RSPO2: variants seen among roughly 807,000 people sequenced by gnomAD.
The protein encoded by RSPO2 is R-spondin-2.
A neutral mutation model predicts 30.9 loss-of-function variants in RSPO2; 14 were observed. The observed-to-expected ratio is 0.45, with a 90% CI of 0.30 to 0.71. The LOEUF (loss-of-function observed/expected upper bound fraction) is 0.71, where lower values mean the gene tolerates loss of function less well. Among genes scored for constraint, RSPO2 ranks in the 30% least tolerant of loss-of-function variants. The probability of loss-of-function intolerance (pLI) is 0.08; values close to 1 mark genes in which losing one functional copy is unlikely to be tolerated. For synonymous variants in RSPO2, 107 were observed against 96.4 expected, an observed-to-expected ratio of 1.11 and a Z score of -0.64; for missense variants, 264 against 301.9, an observed-to-expected ratio of 0.87 and a Z score of 0.93.
chr8:107,910,121 CCTCCAT>C (rs1282809016), intron 5 of RSPO2, among the ~76,000 whole-genome samples: 695 of 152,244 alleles, frequency 4.6e-3, no homozygotes, highest in African/African-American at 0.012. Flanking sequence ...GAATTAAGTT[CCTCCAT>C]AGCTGACTTC....
intron 2 of RSPO2, among the ~76,000 whole-genome samples, chr8:108,075,678 GTTTTT>G (rs35335035): frequency 2.0e-5 from 3 of 146,716 alleles, no homozygotes; most frequent in Non-Finnish European, 4.5e-5. Context: ...TTTTATACCT[GTTTTT>G]TTTTTTAATT....
chr8:107,940,830 A>G (rs1020594461), intron 5 of RSPO2, among the ~76,000 whole-genome samples: 1 of 152,212 alleles, frequency 6.6e-6, no homozygotes, highest in Non-Finnish European at 1.5e-5. Flanking sequence ...GAACCGTTTT[A>G]GCCATTGATG....
Position 107,899,753 on chromosome 8 carries a change from T to C in RSPO2, c.*1322A>G, listed in dbSNP as rs1239633134. ...GTGAAAAAGCCAATTCACAACCTTCTAAAAACTGGTTCCCCTAAAAGGACA... is the reference window on the plus strand; with the variant it reads ...GTGAAAAAGCCAATTCACAACCTTCCAAAAACTGGTTCCCCTAAAAGGACA... On this transcript the variant is annotated 3_prime_UTR_variant, in exon 6 of 6. Transcript: ENST00000276659. The C allele has an allele frequency of 6.6e-6, 1 of 152,180 alleles. No homozygotes were observed. Among genetic ancestry groups the C allele is most frequent in the Non-Finnish European group, 1.5e-5 (1 of 68,028 alleles). 9.4% of individuals were successfully genotyped at this position (152,180 alleles called of 1,614,324 possible).
chr8:107,964,576 C>T (rs1244121470), intron 3 of RSPO2, among the ~76,000 whole-genome samples: 1 of 152,084 alleles, frequency 6.6e-6, no homozygotes, highest in Non-Finnish European at 1.5e-5. Context: ...GCCACCTAAT[C>T]CAGGAGGTCT....
chr8:108,073,647 G>C (rs1812922425), intron 2 of RSPO2, among the ~76,000 whole-genome samples: 1 of 152,184 alleles, frequency 6.6e-6, no homozygotes, highest in East Asian at 1.9e-4. Flanking sequence ...ATAAAAGTTA[G>C]ATCACATGAG....
chr8:108,054,523 C>G (rs1351351348), intron 2 of RSPO2, among the ~76,000 whole-genome samples: 1 of 152,152 alleles, frequency 6.6e-6, no homozygotes, highest in Non-Finnish European at 1.5e-5. Context: ...CACAGCCACC[C>G]CTAACTCCAC....
chr8:108,000,194 A>G (rs1815192086), intron 2 of RSPO2, among the ~76,000 whole-genome samples: 1 of 152,302 alleles, frequency 6.6e-6, no homozygotes, highest in African/African-American at 2.4e-5. Flanking sequence ...CATGATAAAC[A>G]CATTCTCATT....
chr8:108,072,343 T>TG (rs1812873964), intron 2 of RSPO2, among the ~76,000 whole-genome samples: 1 of 136,556 alleles, frequency 7.3e-6, no homozygotes, highest in Non-Finnish European at 1.5e-5. Flanking sequence ...TTTTTTTTTT[T>TG]GAGACAGAGT....
chr8:107,929,284 C>G (rs1285176629), intron 5 of RSPO2, among the ~76,000 whole-genome samples: 1 of 152,116 alleles, frequency 6.6e-6, no homozygotes, highest in Non-Finnish European at 1.5e-5. Flanking sequence ...GATCATACAA[C>G]AAAAGGAAAA....
intron 2 of RSPO2, among the ~76,000 whole-genome samples, chr8:108,069,888 T>C (rs149026571): frequency 2.0e-4 from 30 of 152,312 alleles, no homozygotes; most frequent in African/African-American, 6.7e-4. Flanking sequence ...CCCTCATAGG[T>C]GTGCCAGATA....
At chr8:107,926,802 T>C (rs569878278) in intron 5 of RSPO2, among the ~76,000 whole-genome samples, 1 of 152,208 alleles carries the variant, frequency 6.6e-6, no homozygotes, top group Non-Finnish European at 1.5e-5. Flanking sequence ...ACTGTAGCCT[T>C]GTAGTATAGT....
At chr8:108,019,743 A>G (rs889335613) in intron 2 of RSPO2, among the ~76,000 whole-genome samples, 1 of 152,190 alleles carries the variant, frequency 6.6e-6, no homozygotes, top group Non-Finnish European at 1.5e-5. Context: ...CTGCTGATTG[A>G]GTGCTTTTCA....
chr8:107,944,192 C>T (rs1478631609), intron 5 of RSPO2, among the ~76,000 whole-genome samples: 1 of 152,072 alleles, frequency 6.6e-6, no homozygotes, highest in Non-Finnish European at 1.5e-5. Flanking sequence ...GCATTAATGA[C>T]TAATAGGATT....
Position 108,083,507 on chromosome 8 carries a change from C to T in RSPO2, c.-480G>A, listed in dbSNP as rs901324602. 1 of 152,334 alleles carries T rather than the reference C, an allele frequency of 6.6e-6. No homozygotes were observed. The highest frequency in any genetic ancestry group is 2.4e-5 in the African/African-American group (1 of 41,474). The allele number at this position is 152,334 out of a possible 1,614,324, so 9.4% of individuals were successfully genotyped here. A position where few individuals can be genotyped will look rare whatever the true frequency, so the allele number is the denominator to read the frequency against. ...TCGCTTCCTGCGCTTTCTCCACGGT[C>T]ACTTCACAGCTAAGATTTCTTTCTT... On this transcript the variant is annotated 5_prime_UTR_variant, in exon 1 of 6. Transcript: ENST00000276659.
chr8:107,980,654 G>T (rs1814395652), intron 3 of RSPO2, among the ~76,000 whole-genome samples: 1 of 152,110 alleles, frequency 6.6e-6, no homozygotes, highest in Non-Finnish European at 1.5e-5. Context: ...ATCAGGTCTT[G>T]TCACTGGTCC....
chr8:107,994,578 G>T (rs1293990329), intron 2 of RSPO2, among the ~76,000 whole-genome samples: 1 of 152,022 alleles, frequency 6.6e-6, no homozygotes. Flanking sequence ...GGTATAAAAT[G>T]TAGAAATGAT....
intron 3 of RSPO2, among the ~76,000 whole-genome samples, chr8:107,976,379 T>A (rs1814211686): frequency 6.6e-6 from 1 of 152,248 alleles, no homozygotes. Flanking sequence ...GTCCTTTGGG[T>A]AGGTTTGTAA....
intron 5 of RSPO2, among the ~76,000 whole-genome samples, chr8:107,939,628 T>C (rs896031412): frequency 6.6e-6 from 1 of 152,044 alleles, no homozygotes; most frequent in Non-Finnish European, 1.5e-5. Flanking sequence ...AGAAGTTTGT[T>C]GTAACATTTG....
intron 5 of RSPO2, among the ~76,000 whole-genome samples, chr8:107,936,580 T>A (rs996194875): frequency 6.6e-6 from 1 of 152,184 alleles, no homozygotes; most frequent in East Asian, 1.9e-4. Context: ...TTTCCACCAA[T>A]GGTATAGAAG....
Sources: allele counts gnomAD v4.1 joint callset (sites outside exome capture counted in the v4.1 genomes callset), GRCh38; gene constraint gnomAD v4.1.1; transcripts MANE v1.5; gene names NCBI Gene and HGNC (gene_info 2026-07-23, HGNC 2026-07-21).